Variants in TXNDC16 observed in about 807,000 individuals in gnomAD.
The protein encoded by TXNDC16 is thioredoxin domain containing 16.
TXNDC16 carries 74 observed loss-of-function variants against 85.6 expected under a neutral mutation model. The ratio of observed to expected loss-of-function variants is 0.86; its 90% CI spans 0.72 to 1.05. The LOEUF (loss-of-function observed/expected upper bound fraction) is 1.05. Among genes scored for constraint, TXNDC16 ranks in the 50% least tolerant of loss-of-function variants. The pLI, the probability that TXNDC16 is intolerant of heterozygous loss-of-function variation, is 0.00. For missense variants in TXNDC16, 959 were observed against 947.0 expected (o/e 1.01, Z -0.17); for synonymous variants, 335 against 326.5 (o/e 1.03, Z -0.28).
At chr14:52,472,389 G>A (rs920176120) in intron 14 of TXNDC16, among the ~76,000 whole-genome samples, 7 of 152,052 alleles carry the variant, frequency 4.6e-5, no homozygotes, top group Non-Finnish European at 1.0e-4. Context: ...AGTAGAGACA[G>A]GGTTTCACCA....
chr14:52,543,295 T>C (rs1461015612), intron 3 of TXNDC16, 103 bp downstream of exon 3: 10 of 1,252,956 alleles, frequency 8.0e-6, no homozygotes, highest in Non-Finnish European at 9.9e-6. Flanking sequence ...AACAGCTATA[T>C]AGCACATATT....
intron 14 of TXNDC16, among the ~76,000 whole-genome samples, chr14:52,473,439 C>G (rs2035953042): frequency 6.6e-6 from 1 of 152,138 alleles, no homozygotes; most frequent in South Asian, 2.1e-4. Flanking sequence ...AATAAGCATC[C>G]TCAGCATGTC....
At position 52,473,816 on chromosome 14, in the gene TXNDC16, G is replaced by A. The variant is rs2035960104; in HGVS notation, c.1313-3136C>T. 2.6e-5 allele frequency among the ~76,000 whole-genome samples: 4 copies of A among 152,052 alleles called. No homozygotes were observed. In the South Asian group the frequency reaches 8.3e-4, roughly 32 times the overall value. ...GTAAAAAACATTCTTCATTGTCTTC[G>A]ACTAAGAGATAACAAATGGCTTTTT... On this transcript the variant is annotated intron_variant, in intron 14 of 20. Coordinates refer to ENST00000281741, the MANE Select transcript of TXNDC16 (RefSeq NM_020784.3).
intron 6 of TXNDC16, among the ~76,000 whole-genome samples, chr14:52,530,299 ATAT>A (rs2037488236): frequency 1.9e-5 from 1 of 52,552 alleles, no homozygotes; most frequent in Non-Finnish European, 3.0e-5. Flanking sequence ...ATTATATATA[ATAT>A]TAATATATAA....
chr14:52,528,147 A>T (rs760366172), intron 6 of TXNDC16, among the ~76,000 whole-genome samples: 54 of 152,256 alleles, frequency 3.5e-4, no homozygotes, highest in Middle Eastern at 6.8e-3. Context: ...GAAGATAACA[A>T]ATTATCTAAA....
intron 9 of TXNDC16, among the ~76,000 whole-genome samples, chr14:52,509,096 A>G (rs1447276789): frequency 6.6e-6 from 1 of 152,078 alleles, no homozygotes; most frequent in Non-Finnish European, 1.5e-5. Flanking sequence ...AAGCATCATA[A>G]AGTGAAATAA....
At chr14:52,488,602 G>A (rs573904991) in intron 11 of TXNDC16, 116 bp from the exon 12 acceptor site, 21 of 722,276 alleles carry the variant, frequency 2.9e-5, no homozygotes, top group Admixed American at 6.2e-5. Flanking sequence ...TTGGGAGGTC[G>A]AGGCAGGCGG....
rs1594767648 is a variant in TXNDC16, at chr14:52,542,360, T to C, written c.243+11A>G. The C allele has an allele frequency of 4.4e-6, 7 of 1,580,056 alleles. No individual in the cohort carries two copies. The highest frequency in any genetic ancestry group is 4.5e-5 in the East Asian group (2 of 44,344). On this transcript the variant is annotated intron_variant, in intron 4 of 20. Coordinates refer to ENST00000281741, the MANE Select transcript of TXNDC16 (RefSeq NM_020784.3). ...GTCACTAATATTTTAGTAACATAAA[T>C]ATCTTTCTACCTTGGCAACTGAAAT...
At chr14:52,539,937 C>T (rs2037791377) in intron 4 of TXNDC16, among the ~76,000 whole-genome samples, 1 of 152,110 alleles carries the variant, frequency 6.6e-6, no homozygotes, top group Non-Finnish European at 1.5e-5. Flanking sequence ...AACATTACAG[C>T]TTGTTTCAGG....
intron 4 of TXNDC16, among the ~76,000 whole-genome samples, chr14:52,538,572 A>C (rs1477124882): frequency 2.0e-5 from 3 of 152,210 alleles, no homozygotes; most frequent in African/African-American, 7.2e-5. Flanking sequence ...AAGGCTTTTT[A>C]CAAATACAAT....
chr14:52,517,140 C>CA (rs2037101974), intron 7 of TXNDC16, among the ~76,000 whole-genome samples: 2 of 152,134 alleles, frequency 1.3e-5, no homozygotes, highest in African/African-American at 4.8e-5. Flanking sequence ...TCAAGACCTA[C>CA]AATCCATAGG....
chr14:52,465,561 C>T, intron 16 of TXNDC16, among the ~76,000 whole-genome samples: 1 of 145,632 alleles, frequency 6.9e-6, no homozygotes, highest in East Asian at 2.0e-4. Context: ...CACTGCACTC[C>T]AGCCTGGGCG....
At chr14:52,501,150 C>T (rs115677573) in intron 9 of TXNDC16, among the ~76,000 whole-genome samples, 1,825 of 152,118 alleles carry the variant, frequency 0.012, 35 homozygotes, top group African/African-American at 0.04. Flanking sequence ...ATTCTATACT[C>T]AAGATTTATT....
intron 9 of TXNDC16, among the ~76,000 whole-genome samples, chr14:52,492,373 T>C (rs887701314): frequency 6.6e-6 from 1 of 152,164 alleles, no homozygotes; most frequent in Non-Finnish European, 1.5e-5. Context: ...AGTTACTTTA[T>C]AGAGCTCTAG....
In TXNDC16 at chr14:52,543,738, G is replaced by T. The variant is rs528499584; in HGVS notation, c.-73-108C>A. On this transcript the variant is annotated intron_variant, in intron 2 of 20. Coordinates refer to ENST00000281741, the MANE Select transcript of TXNDC16 (RefSeq NM_020784.3). Reference sequence around the variant, plus strand: ...GTCATTAGTCACATCATTTGATTTTGCTAGTACTTTACTATATCATAAAAA... The same window carrying T: ...GTCATTAGTCACATCATTTGATTTTTCTAGTACTTTACTATATCATAAAAA... 9.6e-4 allele frequency: 613 copies of T among 635,540 alleles called. 13 individuals carry two copies. In the South Asian group the frequency reaches 0.011, roughly 11 times the overall value. 39.4% of individuals were successfully genotyped at this position (635,540 alleles called of 1,614,324 possible).
In TXNDC16 at chr14:52,506,110, AC is replaced by A. The variant is rs564408199; in HGVS notation, c.756+5129del. On this transcript the variant is annotated intron_variant, in intron 9 of 20. Transcript: ENST00000281741. ...CTTACCAACCAAAAAATAGTCCAGG[AC>A]CAGATGGATTCACAGCCGAATTCTA... is the stretch of plus-strand genomic sequence containing the variant. Among the ~76,000 whole-genome samples, 1,147 of 152,340 alleles carry A rather than the reference AC, an allele frequency of 7.5e-3. 10 individuals are homozygous for A. Among genetic ancestry groups the A allele is most frequent in the South Asian group, 0.029 (139 of 4,826 alleles).
intron 16 of TXNDC16, among the ~76,000 whole-genome samples, chr14:52,462,138 G>C (rs971965218): frequency 6.6e-6 from 1 of 152,120 alleles, no homozygotes; most frequent in African/African-American, 2.4e-5. Flanking sequence ...CAGATTTTAT[G>C]GCTTTTATAC....
At chr14:52,507,347 C>T (rs2140177142) in intron 9 of TXNDC16, among the ~76,000 whole-genome samples, 1 of 152,036 alleles carries the variant, frequency 6.6e-6, no homozygotes, top group South Asian at 2.1e-4. Flanking sequence ...CCTAGGAATC[C>T]AACTTACAAG....
intron 6 of TXNDC16, among the ~76,000 whole-genome samples, chr14:52,521,880 C>T (rs554265907): frequency 7.2e-5 from 11 of 152,192 alleles, no homozygotes; most frequent in Admixed American, 7.2e-4. Context: ...ACTAAGTAAC[C>T]TGCTCCAAAT....
Sources: gnomAD v4.1 joint callset for allele counts (sites outside exome capture counted in the v4.1 genomes callset) on GRCh38, gnomAD v4.1.1 for gene constraint, MANE v1.5 for transcripts, NCBI Gene and HGNC (gene_info 2026-07-23, HGNC 2026-07-21) for gene names.